SH3BGRL2: variants seen among roughly 807,000 people sequenced by gnomAD.
SH3BGRL2 encodes SH3 domain-binding glutamic acid-rich-like protein 2.
A neutral mutation model predicts 14.8 loss-of-function variants in SH3BGRL2; 21 were observed. The observed-to-expected ratio is 1.42, with a 90% confidence interval of 1.01 to 2.05. The LOEUF is 2.05. Ranked by LOEUF, SH3BGRL2 falls within the 30% of genes most tolerant of loss-of-function variation. SH3BGRL2 has a pLI of 0.00. For missense variants in SH3BGRL2, 147 were observed against 130.8 expected (o/e 1.12, Z -0.61); for synonymous variants, 50 against 47.8 (o/e 1.05, Z -0.19).
chr6:79,664,296 T>G (rs190516007), intron 1 of SH3BGRL2, among the ~76,000 whole-genome samples: 13 of 152,378 alleles, frequency 8.5e-5, no homozygotes, highest in Non-Finnish European at 1.8e-4. Context: ...TCACCCACCT[T>G]GGAACGGACT....
intron 1 of SH3BGRL2, among the ~76,000 whole-genome samples, chr6:79,635,231 C>T (rs10455361): frequency 0.3 from 45,686 of 152,080 alleles, 7,451 homozygotes; most frequent in South Asian, 0.45. Flanking sequence ...ATTAAAGTTC[C>T]TGGGCTCTGT....
intron 1 of SH3BGRL2, among the ~76,000 whole-genome samples, chr6:79,634,137 C>T (rs1019584409): frequency 1.3e-5 from 2 of 152,182 alleles, no homozygotes; most frequent in African/African-American, 4.8e-5. Flanking sequence ...AAAGATGCTC[C>T]GCTTCAATCA....
the SH3BGRL2 span, among the ~76,000 whole-genome samples, chr6:79,584,262 C>A: frequency 2.0e-5 from 3 of 152,030 alleles, no homozygotes; most frequent in Admixed American, 2.0e-4. Context: ...GAGACGCCAC[C>A]CAAGCAGCTG....
chr6:79,662,975 G>T (rs1377245822), intron 1 of SH3BGRL2, among the ~76,000 whole-genome samples: 1 of 151,964 alleles, frequency 6.6e-6, no homozygotes, highest in Non-Finnish European at 1.5e-5. Context: ...CGAAGTTCTC[G>T]TGCCATGGTT....
At chr6:79,566,480 C>A in the SH3BGRL2 span, among the ~76,000 whole-genome samples, 1 of 152,052 alleles carries the variant, frequency 6.6e-6, no homozygotes, top group South Asian at 2.1e-4. Flanking sequence ...TTGTCCCAAA[C>A]GTAATAGGTC....
the SH3BGRL2 span, among the ~76,000 whole-genome samples, chr6:79,549,471 A>T: frequency 6.6e-6 from 1 of 152,210 alleles, no homozygotes; most frequent in African/African-American, 2.4e-5. Flanking sequence ...TTTATCTTTT[A>T]TACCATATTT....
the SH3BGRL2 span, among the ~76,000 whole-genome samples, chr6:79,599,125 G>T: frequency 6.6e-6 from 1 of 151,628 alleles, no homozygotes; most frequent in Admixed American, 6.6e-5. Context: ...ATACCAGATG[G>T]ATGCAAATTA....
chr6:79,615,133 A>G, the SH3BGRL2 span, among the ~76,000 whole-genome samples: 1 of 152,070 alleles, frequency 6.6e-6, no homozygotes, highest in East Asian at 1.9e-4. Context: ...GCACTCACAC[A>G]GTCTTGGATT....
chr6:79,591,914 G>T, the SH3BGRL2 span, among the ~76,000 whole-genome samples: 21 of 152,124 alleles, frequency 1.4e-4, no homozygotes, highest in African/African-American at 4.6e-4. Context: ...TAATGATGAC[G>T]TTGAAAGATT....
At chr6:79,573,563 A>G in the SH3BGRL2 span, among the ~76,000 whole-genome samples, 2 of 152,164 alleles carry the variant, frequency 1.3e-5, no homozygotes, top group East Asian at 3.9e-4. Flanking sequence ...TGGAATCTGG[A>G]ATTGTGATGA....
At chr6:79,564,875 C>T in the SH3BGRL2 span, among the ~76,000 whole-genome samples, 1 of 152,158 alleles carries the variant, frequency 6.6e-6, no homozygotes, top group African/African-American at 2.4e-5. Flanking sequence ...TGGTACATCT[C>T]CTGCTGCTTC....
chr6:79,591,679 T>G, the SH3BGRL2 span, among the ~76,000 whole-genome samples: 1 of 152,186 alleles, frequency 6.6e-6, no homozygotes. Context: ...GTGCTGGGAT[T>G]AACAGGCGTG....
chr6:79,591,568 G>A, the SH3BGRL2 span, among the ~76,000 whole-genome samples: 2 of 152,076 alleles, frequency 1.3e-5, no homozygotes, highest in African/African-American at 4.8e-5. Flanking sequence ...CCACTACACC[G>A]GCTAATTTTT....
At chr6:79,693,586 A>G (rs1013671424) in intron 2 of SH3BGRL2, among the ~76,000 whole-genome samples, 2 of 151,852 alleles carry the variant, frequency 1.3e-5, no homozygotes, top group Non-Finnish European at 2.9e-5. Context: ...GAATTTTGTC[A>G]AAGGCCTTTT....
chr6:79,612,964 G>A, the SH3BGRL2 span, among the ~76,000 whole-genome samples: 3 of 152,186 alleles, frequency 2.0e-5, no homozygotes, highest in Non-Finnish European at 4.4e-5. Flanking sequence ...AGGTCAGGGA[G>A]CAGCTCTCAG....
the SH3BGRL2 span, among the ~76,000 whole-genome samples, chr6:79,549,615 T>C: frequency 6.6e-6 from 1 of 152,176 alleles, no homozygotes; most frequent in Non-Finnish European, 1.5e-5. Context: ...CTATACCATA[T>C]AGCCGAGGTG....
At chr6:79,553,221 G>C in the SH3BGRL2 span, 1 of 152,128 alleles carries the variant, frequency 6.6e-6, no homozygotes. Context: ...GTACCTGCCA[G>C]TCCCAATGTT....
chr6:79,610,207 G>A, the SH3BGRL2 span, among the ~76,000 whole-genome samples: 3 of 152,294 alleles, frequency 2.0e-5, no homozygotes, highest in Admixed American at 6.5e-5. Context: ...TTAGATGGAG[G>A]CCTCAAGTCT....
At chr6:79,663,204 G>C (rs912637823) in intron 1 of SH3BGRL2, among the ~76,000 whole-genome samples, 2 of 152,186 alleles carry the variant, frequency 1.3e-5, no homozygotes, top group Admixed American at 1.3e-4. Flanking sequence ...GCGAGGGACT[G>C]CCATCCTTTG....
Sources: allele counts gnomAD v4.1 joint callset (sites outside exome capture counted in the v4.1 genomes callset), GRCh38; gene constraint gnomAD v4.1.1; transcripts MANE v1.5; gene names NCBI Gene and HGNC (gene_info 2026-07-23, HGNC 2026-07-21).